The following LRP1B variants were observed in gnomAD, a reference collection of about 807,000 sequenced individuals.
LRP1B encodes low-density lipoprotein receptor-related protein 1B.
A neutral mutation model predicts 556.6 loss-of-function variants in LRP1B; 217 were observed. That is an observed-to-expected ratio of 0.39 (90% CI 0.35 to 0.44). LRP1B has a LOEUF of 0.44. Ranked by LOEUF, LRP1B falls within the 20% of genes least tolerant of loss-of-function variation. The probability of loss-of-function intolerance (pLI) is 1.00; values close to 1 mark genes in which losing one functional copy is unlikely to be tolerated. For synonymous variants in LRP1B, 2,047 were observed against 1,865.8 expected (o/e 1.10, Z -2.50); for missense variants, 5,053 against 5,620.8 (o/e 0.90, Z 3.23).
At chr2:141,073,801 A>C (rs538139965) in intron 7 of LRP1B, among the ~76,000 whole-genome samples, 1 of 151,890 alleles carries the variant, frequency 6.6e-6, no homozygotes, top group African/African-American at 2.4e-5. Flanking sequence ...TCTATGTCCA[A>C]CTTATCACCA....
chr2:141,563,491 T>G (rs903250570), intron 2 of LRP1B, among the ~76,000 whole-genome samples: 3 of 151,764 alleles, frequency 2.0e-5, no homozygotes, highest in African/African-American at 7.2e-5. Flanking sequence ...TAGAAGAAAA[T>G]GAATGAAATA....
chr2:140,492,976 C>A (rs1688765854), intron 56 of LRP1B, among the ~76,000 whole-genome samples: 1 of 152,126 alleles, frequency 6.6e-6, no homozygotes. Context: ...TAGAAAATAT[C>A]TGCTGTTACA....
intron 3 of LRP1B, among the ~76,000 whole-genome samples, chr2:141,319,229 T>C (rs1297894969): frequency 2.0e-5 from 3 of 151,568 alleles, no homozygotes; most frequent in Non-Finnish European, 4.4e-5. Context: ...GAACTTGTCC[T>C]AAAATATCTT....
intron 41 of LRP1B, among the ~76,000 whole-genome samples, chr2:140,651,204 G>T (rs1033629631): frequency 1.3e-5 from 2 of 151,920 alleles, no homozygotes; most frequent in East Asian, 1.9e-4. Context: ...CCTTTGTAGG[G>T]ACATGGATGA....
At chr2:140,787,391 G>T (rs578170421) in intron 32 of LRP1B, among the ~76,000 whole-genome samples, 9 of 152,074 alleles carry the variant, frequency 5.9e-5, no homozygotes, top group African/African-American at 1.9e-4. Flanking sequence ...CATATTTCCA[G>T]ATTCAGCTCA....
intron 52 of LRP1B, 54 bp downstream of exon 52, chr2:140,509,874 C>T (rs933527580): frequency 6.3e-7 from 1 of 1,579,046 alleles, no homozygotes; most frequent in African/African-American, 1.4e-5. Flanking sequence ...AAACAAATAA[C>T]CAAGGATGCT....
chr2:141,198,916 A>G (rs530320947), intron 6 of LRP1B, among the ~76,000 whole-genome samples: 39 of 152,250 alleles, frequency 2.6e-4, no homozygotes, highest in African/African-American at 9.1e-4. Flanking sequence ...TCTTGAAACT[A>G]TCCACTTCTT....
At chr2:141,359,038 T>C (rs1314588791) in intron 3 of LRP1B, among the ~76,000 whole-genome samples, 1 of 151,998 alleles carries the variant, frequency 6.6e-6, no homozygotes, top group Admixed American at 6.6e-5. Context: ...AAAATGTACA[T>C]ACTATGAAAA....
chr2:140,617,071 C>T (rs1363248831), intron 41 of LRP1B, among the ~76,000 whole-genome samples: 1 of 151,926 alleles, frequency 6.6e-6, no homozygotes, highest in African/African-American at 2.4e-5. Context: ...ACAAAACTTA[C>T]ATAATATCTA....
intron 41 of LRP1B, among the ~76,000 whole-genome samples, chr2:140,626,607 G>A (rs911295154): frequency 2.0e-5 from 3 of 150,726 alleles, no homozygotes; most frequent in Non-Finnish European, 3.0e-5. Flanking sequence ...AGTAATTACA[G>A]ATACAGGAAT....
At chr2:142,115,460 T>TATATATTACATACATATA (rs1707154067) in intron 1 of LRP1B, among the ~76,000 whole-genome samples, 2 of 40,486 alleles carry the variant, frequency 4.9e-5, no homozygotes, top group Non-Finnish European at 1.4e-4. Context: ...TCTATACCTA[T>TATATATTACATACATATA]ATATATATAT....
At chr2:140,692,572 T>C (rs1686282748) in intron 41 of LRP1B, among the ~76,000 whole-genome samples, 1 of 152,150 alleles carries the variant, frequency 6.6e-6, no homozygotes, top group Non-Finnish European at 1.5e-5. Context: ...ATTATAAATT[T>C]TCTTAATAGT....
intron 84 of LRP1B, among the ~76,000 whole-genome samples, chr2:140,280,511 A>G (rs1682871780): frequency 6.6e-6 from 1 of 151,726 alleles, no homozygotes; most frequent in Non-Finnish European, 1.5e-5. Context: ...GGAAAGGATG[A>G]ATTCATAATT....
intron 3 of LRP1B, among the ~76,000 whole-genome samples, chr2:141,362,287 A>C (rs1159297579): frequency 6.6e-6 from 1 of 152,202 alleles, no homozygotes; most frequent in Non-Finnish European, 1.5e-5. Context: ...TTTTCCAAAG[A>C]GATGATTATG....
intron 11 of LRP1B, among the ~76,000 whole-genome samples, chr2:141,048,696 T>A (rs796249203): frequency 3.3e-5 from 5 of 152,204 alleles, no homozygotes; most frequent in African/African-American, 1.2e-4. Flanking sequence ...TGTAAACATA[T>A]CAGTATAAAT....
intron 3 of LRP1B, among the ~76,000 whole-genome samples, chr2:141,262,842 C>T (rs1274950101): frequency 6.6e-6 from 1 of 151,834 alleles, no homozygotes; most frequent in African/African-American, 2.4e-5. Context: ...AATTTTTATG[C>T]CTTGTTCTTT....
chr2:141,822,116 C>CAGAGAGAGAG (rs1178777835), intron 1 of LRP1B, among the ~76,000 whole-genome samples: 111 of 102,186 alleles, frequency 1.1e-3, no homozygotes, highest in African/African-American at 4.7e-3. Context: ...CACACACACA[C>CAGAGAGAGAG]ACACACACAC....
At chr2:141,199,535 T>C (rs912645770) in intron 6 of LRP1B, among the ~76,000 whole-genome samples, 2 of 152,182 alleles carry the variant, frequency 1.3e-5, no homozygotes, top group East Asian at 1.9e-4. Context: ...TGTTCTAATA[T>C]TGTCTTTGCT....
intron 6 of LRP1B, among the ~76,000 whole-genome samples, chr2:141,218,158 G>GA (rs1558940079): frequency 6.6e-6 from 1 of 152,004 alleles, no homozygotes; most frequent in African/African-American, 2.4e-5. Flanking sequence ...CTCGATTGCA[G>GA]AAAAAAAGGA....
Sources: allele counts gnomAD v4.1 joint callset (sites outside exome capture counted in the v4.1 genomes callset), GRCh38; gene constraint gnomAD v4.1.1; transcripts MANE v1.5; gene names NCBI Gene and HGNC (gene_info 2026-07-23, HGNC 2026-07-21).